TBL1X: variants seen among roughly 807,000 people sequenced by gnomAD.
TBL1X encodes the protein transducin beta like 1 X-linked.
A neutral mutation model predicts 50.7 loss-of-function variants in TBL1X; 10 were observed. The observed-to-expected ratio is 0.20, with a 90% CI of 0.12 to 0.33. TBL1X has a LOEUF of 0.33. Ranked by LOEUF, TBL1X falls within the 10% of genes least tolerant of loss-of-function variation. The probability of loss-of-function intolerance (pLI) is 1.00; values close to 1 mark genes in which losing one functional copy is unlikely to be tolerated. For synonymous variants in TBL1X, 190 were observed against 214.7 expected, an observed-to-expected ratio of 0.88 and a Z score of 1.01; for missense variants, 340 against 504.4, an observed-to-expected ratio of 0.67 and a Z score of 3.12.
intron 2 of TBL1X, among the ~76,000 whole-genome samples, chrX:9,601,184 C>A (rs2082554663): frequency 9.0e-6 from 1 of 111,322 alleles, no homozygotes; most frequent in Admixed American, 9.5e-5. Context: ...CCAACACTGC[C>A]CCCTTTTTCC....
chrX:9,509,635 G>A (rs1479123161), intron 2 of TBL1X, among the ~76,000 whole-genome samples: 2 of 107,708 alleles, frequency 1.9e-5, no homozygotes, highest in Admixed American at 1.0e-4. Context: ...ACAGGCACAC[G>A]CCACCATGCC....
intron 2 of TBL1X, among the ~76,000 whole-genome samples, chrX:9,612,884 A>C (rs2082620479): frequency 9.0e-6 from 1 of 111,547 alleles, no homozygotes; most frequent in African/African-American, 3.3e-5. Flanking sequence ...ATTAAAGAGC[A>C]TTGTAGATAA....
chrX:9,683,205 A>G (rs1369929542), intron 5 of TBL1X, among the ~76,000 whole-genome samples: 5 of 111,646 alleles, frequency 4.5e-5, no homozygotes, highest in African/African-American at 1.6e-4. Context: ...CTCCACATAG[A>G]TGCCCTGCAT....
intron 1 of TBL1X, among the ~76,000 whole-genome samples, chrX:9,474,215 A>G (rs1022884180): frequency 1.8e-5 from 2 of 113,079 alleles, no homozygotes; most frequent in Non-Finnish European, 1.9e-5. Flanking sequence ...AGTATTTTAT[A>G]TATTTAATAA....
chrX:9,640,467 T>A (rs1235505370), intron 3 of TBL1X, 107 bp downstream of exon 3: 3 of 112,113 alleles, frequency 2.7e-5, no homozygotes, highest in Non-Finnish European at 5.6e-5. Flanking sequence ...TTAAATGATG[T>A]TGTCAGGGGA....
chrX:9,663,017 C>T (rs1432202147), intron 5 of TBL1X, among the ~76,000 whole-genome samples: 1 of 110,977 alleles, frequency 9.0e-6, no homozygotes, highest in Non-Finnish European at 1.9e-5. Context: ...TATTTTACCA[C>T]GATTTTAGGG....
chrX:9,660,124 C>T (rs2082888924), intron 5 of TBL1X, among the ~76,000 whole-genome samples: 1 of 112,946 alleles, frequency 8.9e-6, no homozygotes, highest in Non-Finnish European at 1.9e-5. Flanking sequence ...AGCAGGATTC[C>T]GCAGGCTGGG....
chrX:9,698,290 G>T (rs2146644573), intron 12 of TBL1X, among the ~76,000 whole-genome samples: 1 of 111,525 alleles, frequency 9.0e-6, no homozygotes, highest in South Asian at 3.8e-4. Flanking sequence ...GTTCTAAAGG[G>T]ATGCTGTTTT....
chrX:9,547,221 T>A (rs2082248878), intron 2 of TBL1X, among the ~76,000 whole-genome samples: 1 of 111,825 alleles, frequency 8.9e-6, no homozygotes, highest in Admixed American at 9.5e-5. Flanking sequence ...CCCTCCAGGC[T>A]GGGCACTGTG....
chrX:9,507,103 A>G (rs1393976990), intron 2 of TBL1X, among the ~76,000 whole-genome samples: 1 of 112,154 alleles, frequency 8.9e-6, no homozygotes, highest in African/African-American at 3.2e-5. Flanking sequence ...CAGTCAGGCA[A>G]GAGAAAGAAA....
intron 5 of TBL1X, among the ~76,000 whole-genome samples, chrX:9,682,952 C>T (rs1233979549): frequency 8.9e-6 from 1 of 111,999 alleles, no homozygotes; most frequent in Non-Finnish European, 1.9e-5. Context: ...TTGCCAGGAA[C>T]CGAGCACTGG....
intron 5 of TBL1X, among the ~76,000 whole-genome samples, chrX:9,663,314 G>T (rs1452958481): frequency 8.9e-6 from 1 of 111,945 alleles, no homozygotes; most frequent in Non-Finnish European, 1.9e-5. Context: ...CATATGGCCA[G>T]TGTCCATCAG....
chrX:9,623,520 C>CTACAAAAATTATTTTTG (rs1352795204), intron 2 of TBL1X, among the ~76,000 whole-genome samples: 1 of 110,881 alleles, frequency 9.0e-6, no homozygotes, highest in Non-Finnish European at 1.9e-5. Flanking sequence ...AACCCTGTCT[C>CTACAAAAATTATTTTTG]TACAAAAAGT....
At chrX:9,528,014 G>A (rs1225834340) in intron 2 of TBL1X, among the ~76,000 whole-genome samples, 3 of 110,886 alleles carry the variant, frequency 2.7e-5, no homozygotes, top group African/African-American at 9.9e-5. Flanking sequence ...CAAACTCCTG[G>A]CCTCAAGCAT....
At chrX:9,710,937 T>G (rs762784941) in intron 15 of TBL1X, among the ~76,000 whole-genome samples, 3 of 112,380 alleles carry the variant, frequency 2.7e-5, no homozygotes, top group Non-Finnish European at 3.7e-5. Context: ...AATATGGCTG[T>G]CTGTATTAAT....
chrX:9,672,987 G>C (rs1285085321), intron 5 of TBL1X, among the ~76,000 whole-genome samples: 1 of 111,851 alleles, frequency 8.9e-6, no homozygotes, highest in Non-Finnish European at 1.9e-5. Flanking sequence ...CTGGTTCATA[G>C]ATGGCGCCTT....
intron 15 of TBL1X, among the ~76,000 whole-genome samples, chrX:9,710,857 A>G (rs566423789): frequency 8.9e-6 from 1 of 112,437 alleles, no homozygotes; most frequent in South Asian, 3.7e-4. Flanking sequence ...CTAGGATTAC[A>G]GGCATGATCT....
intron 1 of TBL1X, among the ~76,000 whole-genome samples, chrX:9,499,654 G>A (rs1379489356): frequency 8.9e-6 from 1 of 112,294 alleles, no homozygotes; most frequent in Non-Finnish European, 1.9e-5. Context: ...CTTGAGTCAA[G>A]GCTGTCTCAT....
chrX:9,531,461 A>G (rs1211980551), intron 2 of TBL1X, among the ~76,000 whole-genome samples: 4 of 102,374 alleles, frequency 3.9e-5, no homozygotes, highest in African/African-American at 1.5e-4. Context: ...TTCTTGGTTG[A>G]TTAAATGTCA....
Sources: gnomAD v4.1 joint callset for allele counts (sites outside exome capture counted in the v4.1 genomes callset) on GRCh38, gnomAD v4.1.1 for gene constraint, MANE v1.5 for transcripts, NCBI Gene and HGNC (gene_info 2026-07-23, HGNC 2026-07-21) for gene names.